The following SLC23A2 variants were observed in gnomAD, a reference collection of about 807,000 sequenced individuals.
The protein encoded by SLC23A2 is solute carrier family 23 member 2, also known as Na(+)/L-ascorbic acid transporter 2.
In SLC23A2, 36 loss-of-function variants were observed where a neutral mutation model predicts 73.3. That is an observed-to-expected ratio of 0.49 (90% CI 0.38 to 0.65). SLC23A2 has a LOEUF of 0.65. Ranked by LOEUF, SLC23A2 falls within the 30% of genes least tolerant of loss-of-function variation. SLC23A2 has a pLI of 0.00. For missense variants in SLC23A2, 507 were observed against 841.6 expected (o/e 0.60, Z 4.92); for synonymous variants, 343 against 327.3 (o/e 1.05, Z -0.52).
chr20:4,974,818 C>T (rs949660559), intron 1 of SLC23A2, among the ~76,000 whole-genome samples: 3 of 152,142 alleles, frequency 2.0e-5, no homozygotes, highest in South Asian at 2.1e-4. Flanking sequence ...GACGGAGTCT[C>T]GCTCTGTCAC....
intron 1 of SLC23A2, among the ~76,000 whole-genome samples, chr20:4,984,913 C>T (rs764050629): frequency 3.9e-5 from 6 of 152,140 alleles, no homozygotes; most frequent in African/African-American, 9.6e-5. Context: ...CCAATGCGGG[C>T]GGATCATGAG....
In SLC23A2 at chr20:4,857,140, G is replaced by A. The variant is rs759841219; in HGVS notation, c.1785C>T (p.Leu595=). Residue 595 remains leucine (L), a synonymous_variant, in exon 17 of 17, where the codon CTC becomes CTT. Coordinates refer to ENST00000338244, the MANE Select transcript of SLC23A2 (RefSeq NM_005116.6). The surrounding 1 kb of genome is among the most constrained non-coding windows in gnomAD (Gnocchi z 4.0). The stretch of plus-strand genomic sequence containing the variant: ...GCAAATTGTACGACTCCATGCCGTC[G>A]AGTGATTTGTTCCCTTTGCCCACAC... The part of the protein sequence containing the change: ...KKGVGKGNKS[L]DGMESYNLPF... 16 of 1,613,848 alleles carry A rather than the reference G, an allele frequency of 9.9e-6. No homozygotes were observed. Among genetic ancestry groups the A allele is most frequent in the Middle Eastern group, 1.6e-4 (1 of 6,084 alleles).
At chr20:4,984,791 T>C (rs2087796054) in intron 1 of SLC23A2, among the ~76,000 whole-genome samples, 1 of 152,038 alleles carries the variant, frequency 6.6e-6, no homozygotes, top group South Asian at 2.1e-4. Flanking sequence ...GGAACCCTCA[T>C]ATAATTCTGG....
chr20:4,862,107 C>T lies in SLC23A2; in HGVS notation c.1487-22G>A. The stretch of plus-strand genomic sequence containing the variant: ...ATTCCTGGAGAAAAACAAACCAGAC[C>T]ACAAGCTCCAGCACCACTACAGCGG... On this transcript the variant is annotated intron_variant, in intron 14 of 16. Coordinates refer to ENST00000338244, the MANE Select transcript of SLC23A2 (RefSeq NM_005116.6). This position sits in a 1 kb window ranked among gnomAD's most constrained non-coding sequence, Gnocchi z 5.1. 1.2e-6 allele frequency: 2 copies of T among 1,613,236 alleles called. No individual in the cohort carries two copies. Among genetic ancestry groups the T allele is most frequent in the Non-Finnish European group, 1.7e-6 (2 of 1,179,498 alleles).
intron 2 of SLC23A2, among the ~76,000 whole-genome samples, chr20:4,952,393 G>A (rs993217915): frequency 2.0e-5 from 3 of 152,154 alleles, no homozygotes; most frequent in African/African-American, 7.2e-5. Flanking sequence ...AGTATTAAAT[G>A]TCAGAAGACA....
intron 2 of SLC23A2, among the ~76,000 whole-genome samples, chr20:4,932,969 A>G (rs1463647702): frequency 6.6e-6 from 1 of 152,052 alleles, no homozygotes; most frequent in South Asian, 2.1e-4. Context: ...TACTAGGGAG[A>G]AAAAAAATAG....
At chr20:4,877,546 A>G (rs2122812839) in intron 9 of SLC23A2, among the ~76,000 whole-genome samples, 1 of 152,344 alleles carries the variant, frequency 6.6e-6, no homozygotes, top group East Asian at 1.9e-4. Context: ...GATAAAAACA[A>G]AATTTTTTAC....
At chr20:4,923,332 C>T (rs1376031101) in intron 3 of SLC23A2, among the ~76,000 whole-genome samples, 1 of 152,076 alleles carries the variant, frequency 6.6e-6, no homozygotes, top group Non-Finnish European at 1.5e-5. Context: ...TCACTTGCAT[C>T]CCATCGTTTT....
rs779962383 is a variant in SLC23A2 at position 4,870,033 on chromosome 20, C to A, written c.1123G>T (p.Val375Leu). 3 of 1,610,200 alleles carry A rather than the reference C, an allele frequency of 1.9e-6. No homozygotes were observed. The highest frequency in any genetic ancestry group is 4.5e-5 in the East Asian group (2 of 44,840). ...PYPFQWGLPT[V>L]SAAGVIGMLS... The stretch of plus-strand genomic sequence containing the variant: ...ATGCCGATGACACCGGCCGCAGACA[C>A]GGTGGGCAGTCCCCACTGAACTGTG... The change falls in exon 12 of 17, where the codon GTG (valine) becomes TTG (leucine). Residue 375 changes from valine (V) to leucine (L), a missense_variant. Physicochemically the swap from Val to Leu is conservative, Grantham distance 32 (BLOSUM62 1). Around this residue, in one of 5 missense-constraint regions of SLC23A2, gnomAD observed 217 missense variants for 398.0 expected, o/e 0.55. Coordinates refer to ENST00000338244, the MANE Select transcript of SLC23A2 (RefSeq NM_005116.6).
rs1013127187 is a variant in SLC23A2 at position 4,981,865 on chromosome 20, C to A, written c.-281-10946G>T. Among the ~76,000 whole-genome samples the A allele has an allele frequency of 3.3e-5, 5 of 152,104 alleles. No individual in the cohort carries two copies. In the South Asian group the frequency reaches 8.3e-4, roughly 25 times the overall value. On this transcript the variant is annotated intron_variant, in intron 1 of 16. Coordinates refer to ENST00000338244, the MANE Select transcript of SLC23A2 (RefSeq NM_005116.6). Reference sequence around the variant, plus strand: ...CAGAGGTGCATGCCACCATGCCCAGCTAATTTTTTGCATTTTTAGTGGAGA... The same window carrying A: ...CAGAGGTGCATGCCACCATGCCCAGATAATTTTTTGCATTTTTAGTGGAGA...
chr20:4,916,489 T>C (rs1932325076), intron 3 of SLC23A2, among the ~76,000 whole-genome samples: 1 of 152,188 alleles, frequency 6.6e-6, no homozygotes, highest in African/African-American at 2.4e-5. Flanking sequence ...ACTGTGAGTG[T>C]ATTAAAATAT....
intron 6 of SLC23A2, among the ~76,000 whole-genome samples, chr20:4,886,494 A>G (rs1715373): frequency 0.51 from 77,516 of 152,032 alleles, 20,354 homozygotes; most frequent in African/African-American, 0.61. Flanking sequence ...ATACTTAAAG[A>G]CATTCTAATA....
At chr20:4,867,596 G>A (rs60848716) in intron 13 of SLC23A2, among the ~76,000 whole-genome samples, 174 bp downstream of exon 13, 1,820 of 131,628 alleles carry the variant, frequency 0.014, 28 homozygotes, top group African/African-American at 0.049. Flanking sequence ...CAAGAGAAGA[G>A]AGACTTCCAA....
Position 4,947,035 on chromosome 20 carries a change from C to T in SLC23A2, c.-154-14319G>A, listed in dbSNP as rs115797390. The stretch of plus-strand genomic sequence containing the variant: ...TCATCCTGGCCATTTCTCCTCAGTG[C>T]CAGGTGCTGCCCACACTGCCCACGC... On this transcript the variant is annotated intron_variant, in intron 2 of 16. Coordinates refer to ENST00000338244, the MANE Select transcript of SLC23A2 (RefSeq NM_005116.6). This position sits in a 1 kb window ranked among gnomAD's most constrained non-coding sequence, Gnocchi z 4.4. Among the ~76,000 whole-genome samples the T allele has an allele frequency of 0.018, 2,684 of 152,276 alleles. 78 individuals are homozygous for T. Among genetic ancestry groups the T allele is most frequent in the African/African-American group, 0.06 (2,490 of 41,544 alleles).
intron 1 of SLC23A2, among the ~76,000 whole-genome samples, chr20:4,983,612 C>CTCCA (rs1400125781): frequency 6.2e-5 from 9 of 145,308 alleles, no homozygotes; most frequent in African/African-American, 2.3e-4. Flanking sequence ...CGCCACTGCA[C>CTCCA]TCCAGCCTGG....
chr20:5,006,976 T>TGC lies in SLC23A2; in HGVS notation c.-282+3204_-282+3205dup, dbSNP rs35133806. 6.7e-3 allele frequency among the ~76,000 whole-genome samples: 943 copies of TGC among 140,044 alleles called. 12 individuals carry two copies. Among genetic ancestry groups the TGC allele is most frequent in the African/African-American group, 0.022 (848 of 38,258 alleles). The allele number at this position is 140,044 out of a possible 152,430, so 91.9% of individuals were successfully genotyped here. ...GTGTGTGTGTGTGTGTGTGTGTGTG[T>TGC]GCGTGCGTGCGTGTTCAATGATGTG... On this transcript the variant is annotated intron_variant, in intron 1 of 16. Coordinates refer to the SLC23A2 transcript ENST00000379333.
rs140172852 is a variant in SLC23A2 at position 4,944,533 on chromosome 20, G to A, written c.-154-11817C>T. 1.4e-4 allele frequency among the ~76,000 whole-genome samples: 22 copies of A among 152,294 alleles called. No individual in the cohort carries two copies. The East Asian group carries it at 2.5e-3, about 17-fold the overall frequency. ...ATTACAGGCATGAGCCACCGCACCC[G>A]GCCAGGAACCTGTATTTTTAACAAA... On this transcript the variant is annotated intron_variant, in intron 2 of 16. Transcript: ENST00000338244.
At chr20:4,884,239 T>C (rs1175305535) in intron 8 of SLC23A2, among the ~76,000 whole-genome samples, 1 of 152,196 alleles carries the variant, frequency 6.6e-6, no homozygotes, top group East Asian at 1.9e-4. Context: ...AAAGGGATGT[T>C]TTTAGTGTGC....
chr20:4,874,863 A>G (rs1930593505), intron 9 of SLC23A2, among the ~76,000 whole-genome samples, 167 bp from the exon 10 acceptor site: 2 of 152,234 alleles, frequency 1.3e-5, no homozygotes, highest in Admixed American at 1.3e-4. Flanking sequence ...ATTGGAATGT[A>G]CATCTTTTGG....
Sources: gnomAD v4.1 joint callset for allele counts (sites outside exome capture counted in the v4.1 genomes callset) on GRCh38, gnomAD v4.1.1 for gene constraint, gnomAD v4.1.1 regional missense constraint, Gnocchi (gnomAD v3.1) non-coding constraint, MANE v1.5 for transcripts, NCBI Gene and HGNC (gene_info 2026-07-23, HGNC 2026-07-21) for gene names.